The following SPEN variants were observed in gnomAD, a reference collection of about 807,000 sequenced individuals.
SPEN encodes the protein msx2-interacting protein.
Under a neutral mutation model 269.9 loss-of-function variants are expected in SPEN, and 18 were observed. That is an observed-to-expected ratio of 0.07 (90% CI 0.05 to 0.10). SPEN has a LOEUF of 0.10. Among genes scored for constraint, SPEN ranks in the 10% least tolerant of loss-of-function variants. The pLI is 1.00. For synonymous variants in SPEN, 1,726 were observed against 1,765.7 expected (o/e 0.98, Z 0.56); for missense variants, 3,822 against 4,631.2 (o/e 0.83, Z 5.07).
At chr1:15,860,229 A>G (rs1004540476) in intron 1 of SPEN, among the ~76,000 whole-genome samples, 1 of 151,432 alleles carries the variant, frequency 6.6e-6, no homozygotes, top group Non-Finnish European at 1.5e-5. Context: ...ATCTTAAGGC[A>G]TAGACTTCAG....
At chr1:15,850,301 A>C (rs1045442419) in intron 1 of SPEN, among the ~76,000 whole-genome samples, 1 of 152,188 alleles carries the variant, frequency 6.6e-6, no homozygotes, top group African/African-American at 2.4e-5. Context: ...TCAAAGGAGT[A>C]TCTTACCTAT....
At chr1:15,904,648 A>ATT (rs113834328) in intron 3 of SPEN, among the ~76,000 whole-genome samples, 16 of 139,448 alleles carry the variant, frequency 1.1e-4, no homozygotes, top group South Asian at 2.3e-4. Flanking sequence ...GAGTGTGATA[A>ATT]TTTTTTTTTT....
chr1:15,923,168 A>C (rs2071135350), intron 10 of SPEN, among the ~76,000 whole-genome samples: 1 of 152,380 alleles, frequency 6.6e-6, no homozygotes, highest in Non-Finnish European at 1.5e-5. Context: ...TCAATAAGCC[A>C]AAGCATATGT....
chr1:15,856,431 A>G (rs1159903931), intron 1 of SPEN, among the ~76,000 whole-genome samples: 1 of 152,068 alleles, frequency 6.6e-6, no homozygotes, highest in Non-Finnish European at 1.5e-5. Flanking sequence ...AGAGAAAACT[A>G]ATAGTAGTTG....
intron 1 of SPEN, among the ~76,000 whole-genome samples, chr1:15,861,340 C>T (rs2070446667): frequency 6.6e-6 from 1 of 151,968 alleles, no homozygotes; most frequent in African/African-American, 2.4e-5. Flanking sequence ...GTATGTTGGC[C>T]AGGCTCGTCT....
At chr1:15,927,294 G>C (rs2071177744) in intron 10 of SPEN, among the ~76,000 whole-genome samples, 1 of 152,182 alleles carries the variant, frequency 6.6e-6, no homozygotes. Flanking sequence ...GGGGGAAAGT[G>C]ACAACATTTA....
In SPEN at chr1:15,933,163, C is replaced by T; in HGVS notation, c.6923C>T (p.Thr2308Ile). 4 of 1,614,218 alleles carry T rather than the reference C, an allele frequency of 2.5e-6. No individual in the cohort carries two copies. Among genetic ancestry groups the T allele is most frequent in the Middle Eastern group, 1.6e-4 (1 of 6,062 alleles). ...TKEARGNSSE[T>I]SHSVPEAKGS... ...GAAGCCAGAGGAAATAGCAGTGAAACCTCACACTCAGTGCCAGAAGCCAAA... is the reference window on the plus strand; with the variant it reads ...GAAGCCAGAGGAAATAGCAGTGAAATCTCACACTCAGTGCCAGAAGCCAAA... Residue 2308 changes from threonine to isoleucine, a missense_variant, in exon 11 of 15, where the codon ACC becomes ATC. Physicochemically the swap from Thr to Ile is moderately conservative, Grantham distance 89. Coordinates refer to ENST00000375759, the MANE Select transcript of SPEN (RefSeq NM_015001.3). The surrounding 1 kb of genome is among the most constrained non-coding windows in gnomAD (Gnocchi z 5.7).
chr1:15,905,016 G>A (rs1166042601), intron 3 of SPEN, among the ~76,000 whole-genome samples: 5 of 150,582 alleles, frequency 3.3e-5, no homozygotes, highest in Non-Finnish European at 7.4e-5. Flanking sequence ...AGCCTCCGGA[G>A]TAGCTGGGAT....
intron 4 of SPEN, among the ~76,000 whole-genome samples, chr1:15,910,276 T>C (rs1429040206): frequency 6.6e-6 from 1 of 152,090 alleles, no homozygotes; most frequent in Non-Finnish European, 1.5e-5. Context: ...GGGAGTAAAA[T>C]TGGCTTGCCT....
chr1:15,888,131 C>A (rs1384852386), intron 3 of SPEN, among the ~76,000 whole-genome samples: 1 of 148,756 alleles, frequency 6.7e-6, no homozygotes, highest in Non-Finnish European at 1.5e-5. Context: ...TTTTTTGAGA[C>A]GGGGTCTCAC....
At position 15,930,646 on chromosome 1, in the gene SPEN, C is replaced by T; in HGVS notation, c.4406C>T (p.Ser1469Phe). The T allele has an allele frequency of 1.2e-6, 2 of 1,614,082 alleles. No individual in the cohort carries two copies. Among genetic ancestry groups the T allele is most frequent in the Non-Finnish European group, 1.7e-6 (2 of 1,180,030 alleles). ...EENWSFLDWD[S>F]RFANFRNNKD... ...AATTGGTCTTTTCTTGATTGGGACT[C>T]CCGATTTGCAAATTTTCGAAACAAC... The change falls in exon 11 of 15, where the codon TCC (serine) becomes TTC (phenylalanine). Residue 1469 changes from serine (S) to phenylalanine (F), a missense_variant. Coordinates refer to ENST00000375759, the MANE Select transcript of SPEN (RefSeq NM_015001.3). The surrounding 1 kb of genome is among the most constrained non-coding windows in gnomAD (Gnocchi z 5.3).
intron 3 of SPEN, among the ~76,000 whole-genome samples, chr1:15,884,802 A>G (rs2070721277): frequency 6.6e-6 from 1 of 151,818 alleles, no homozygotes; most frequent in Non-Finnish European, 1.5e-5. Context: ...GGTGCAATCT[A>G]AACTGACTGC....
chr1:15,878,732 C>T (rs974094483), intron 3 of SPEN, among the ~76,000 whole-genome samples: 2 of 152,028 alleles, frequency 1.3e-5, no homozygotes, highest in Non-Finnish European at 2.9e-5. Context: ...AGGCACTGGG[C>T]GTGTGGCTCA....
Position 15,850,448 on chromosome 1 carries a change from C to T in SPEN, c.83+2298C>T, listed in dbSNP as rs564637971. On this transcript the variant is annotated intron_variant, in intron 1 of 14. Transcript: ENST00000375759. ...AAATCTATTTAGTTGTTTAAATAGA[C>T]AGTACATTTTTATGGGTTCAAAGCA... 2.6e-5 allele frequency among the ~76,000 whole-genome samples: 4 copies of T among 151,358 alleles called. No homozygotes were observed. In the South Asian group the frequency reaches 8.3e-4, roughly 32 times the overall value.
intron 1 of SPEN, among the ~76,000 whole-genome samples, chr1:15,866,390 G>A (rs2070509709): frequency 6.6e-6 from 1 of 152,084 alleles, no homozygotes; most frequent in Non-Finnish European, 1.5e-5. Context: ...GTCTCACTCT[G>A]TTTCCCAGGC....
intron 3 of SPEN, among the ~76,000 whole-genome samples, chr1:15,895,829 G>A (rs1351739847): frequency 6.6e-6 from 1 of 151,708 alleles, no homozygotes; most frequent in African/African-American, 2.4e-5. Flanking sequence ...ACAGGCATGC[G>A]CCACTGTGCC....
At chr1:15,867,952 G>A (rs1455045480) in intron 1 of SPEN, among the ~76,000 whole-genome samples, 1 of 151,880 alleles carries the variant, frequency 6.6e-6, no homozygotes, top group Non-Finnish European at 1.5e-5. Context: ...TCCTGCTTCA[G>A]CCTCCTGAGT....
At position 15,929,690 on chromosome 1, in the gene SPEN, A is replaced by G; in HGVS notation, c.3450A>G (p.Ser1150=). ...TPERKSGQEK[S]HSVNTEEKIG... ...AACGTAAATCAGGCCAAGAGAAATC[A>G]CATTCAGTAAATACTGAAGAAAAAA... The change falls in exon 11 of 15, where the codon TCA becomes TCG. Residue 1150 remains serine, a synonymous_variant. Coordinates refer to ENST00000375759, the MANE Select transcript of SPEN (RefSeq NM_015001.3). This position sits in a 1 kb window ranked among gnomAD's most constrained non-coding sequence, Gnocchi z 5.8. 1 of 1,614,108 alleles carries G rather than the reference A, an allele frequency of 6.2e-7. No individual in the cohort carries two copies. The highest frequency in any genetic ancestry group is 8.5e-7 in the Non-Finnish European group (1 of 1,179,972).
At chr1:15,862,402 C>T (rs1251625670) in intron 1 of SPEN, among the ~76,000 whole-genome samples, 1 of 152,098 alleles carries the variant, frequency 6.6e-6, no homozygotes, top group East Asian at 1.9e-4. Context: ...TAATGGTCAT[C>T]GTGATTATTT....
Sources: gnomAD v4.1 joint callset for allele counts (sites outside exome capture counted in the v4.1 genomes callset) on GRCh38, gnomAD v4.1.1 for gene constraint, Gnocchi (gnomAD v3.1) non-coding constraint, MANE v1.5 for transcripts, NCBI Gene and HGNC (gene_info 2026-07-23, HGNC 2026-07-21) for gene names.